The following ARL10 variants were observed in gnomAD, a reference collection of about 807,000 sequenced individuals.
ARL10 encodes ARF like GTPase 10.
A neutral mutation model predicts 26.1 loss-of-function variants in ARL10; 23 were observed. The observed-to-expected ratio is 0.88, with a 90% CI of 0.63 to 1.25. ARL10 has a LOEUF of 1.25. Among genes scored for constraint, ARL10 ranks in the 50% most tolerant of loss-of-function variants. The probability of loss-of-function intolerance (pLI) is 0.00; values close to 1 mark genes in which losing one functional copy is unlikely to be tolerated. For synonymous variants in ARL10, 138 were observed against 149.1 expected (o/e 0.93, Z 0.54); for missense variants, 300 against 323.6 (o/e 0.93, Z 0.56).
At chr5:176,412,555 G>A in the ARL10 span, among the ~76,000 whole-genome samples, 1 of 152,236 alleles carries the variant, frequency 6.6e-6, no homozygotes, top group Non-Finnish European at 1.5e-5. Context: ...GAGGCCACAT[G>A]AGGTTAATAG....
downstream of ARL10, chr5:176,385,445 C>T (rs1183540252): frequency 8.2e-5 from 54 of 660,006 alleles, no homozygotes; most frequent in Non-Finnish European, 1.4e-4. Flanking sequence ...CACCAACCAC[C>T]TGGGGGTCTT....
At chr5:176,369,475 C>T (rs892587055) in intron 3 of ARL10, among the ~76,000 whole-genome samples, 1 of 152,076 alleles carries the variant, frequency 6.6e-6, no homozygotes, top group Non-Finnish European at 1.5e-5. Flanking sequence ...TCAAGTGATC[C>T]GCCCGCCTCA....
the ARL10 span, among the ~76,000 whole-genome samples, chr5:176,407,955 C>T: frequency 6.6e-6 from 1 of 152,186 alleles, no homozygotes; most frequent in Non-Finnish European, 1.5e-5. Context: ...AAGAAGCCAG[C>T]TCCTCCAGGG....
At position 176,387,019 on chromosome 5, in the gene ARL10, T is replaced by C. The variant is rs1044551272; in HGVS notation, c.37-1276T>C. The stretch of plus-strand genomic sequence containing the variant: ...ACCCATAAGAATCCCTGCCCACGGT[T>C]AGGTAGAAGTAGGTAACAATGAGAA... On this transcript the variant is annotated intron_variant, in intron 1 of 1. Coordinates refer to the ARL10 transcript ENST00000503175. 1.4e-5 allele frequency: 12 copies of C among 833,784 alleles called. No homozygotes were observed. In the African/African-American group the frequency reaches 2.0e-4, roughly 14 times the overall value. The allele number at this position is 833,784 out of a possible 1,614,324, so 51.6% of individuals were successfully genotyped here.
chr5:176,401,380 A>G (rs950293421), intron 1 of ARL10, among the ~76,000 whole-genome samples: 1 of 152,232 alleles, frequency 6.6e-6, no homozygotes, highest in African/African-American at 2.4e-5. Flanking sequence ...CATCCATCTG[A>G]CCACCACCCA....
intron 1 of ARL10, among the ~76,000 whole-genome samples, chr5:176,387,224 C>A (rs1323766999): frequency 6.6e-6 from 1 of 152,104 alleles, no homozygotes. Context: ...GGATTACAAT[C>A]ATGCGCCACC....
At chr5:176,411,054 T>G in the ARL10 span, among the ~76,000 whole-genome samples, 1 of 152,236 alleles carries the variant, frequency 6.6e-6, no homozygotes, top group East Asian at 1.9e-4. Flanking sequence ...CTTTGCCCGC[T>G]AGGGGCAAAC....
rs115269286 is a variant in ARL10, at chr5:176,366,328, A to C, written c.184-52A>C. 8.0e-3 allele frequency: 12,409 copies of C among 1,548,194 alleles called. 890 individuals carry two copies. In the African/African-American group the frequency reaches 0.15, roughly 19 times the overall value. The stretch of plus-strand genomic sequence containing the variant: ...CTGGTGCCTTCGGTCTTCCCTCGGG[A>C]AAGGTCCTTCGGGAGGCCGCCAGCC... On this transcript the variant is annotated intron_variant, in intron 1 of 3. Transcript: ENST00000310389.
chr5:176,385,425 A>G (rs1206399379), downstream of ARL10: 5 of 745,572 alleles, frequency 6.7e-6, no homozygotes, highest in Non-Finnish European at 1.2e-5. Context: ...CCAAGCCACA[A>G]GACCCACCAC....
downstream of ARL10, chr5:176,389,539 A>C (rs1376483440): frequency 6.4e-7 from 1 of 1,571,424 alleles, no homozygotes; most frequent in Non-Finnish European, 8.6e-7. Flanking sequence ...AATGATTCCA[A>C]AACCCAGGGA....
rs374729689 is a variant in ARL10 at position 176,372,227 on chromosome 5, G to A, written c.*332G>A. 7.6e-5 allele frequency: 33 copies of A among 434,114 alleles called. No homozygotes were observed. Among genetic ancestry groups the A allele is most frequent in the East Asian group, 4.6e-4 (6 of 13,028 alleles). 26.9% of individuals were successfully genotyped at this position (434,114 alleles called of 1,614,324 possible). On this transcript the variant is annotated 3_prime_UTR_variant, in exon 4 of 4. Transcript: ENST00000310389. ...GGCTCAATCCTCCACTACAGGTCCC[G>A]GTACCTGAGGAACCAGTGTAGGTGT...
chr5:176,406,845 G>A (rs181230175), downstream of ARL10: 307 of 577,604 alleles, frequency 5.3e-4, 1 homozygote, highest in African/African-American at 5.7e-3. Flanking sequence ...AAAGAGCTGG[G>A]GCTTTCCACC....
downstream of ARL10, chr5:176,385,824 T>C (rs1454517355): frequency 1.3e-5 from 2 of 153,360 alleles, no homozygotes; most frequent in Non-Finnish European, 2.9e-5. Context: ...TAGTGCTCCA[T>C]GGGAGAGAAA....
In ARL10 at chr5:176,374,002, T is replaced by A. The variant is rs1036834411; in HGVS notation, c.*2107T>A. The A allele has an allele frequency of 2.0e-5, 3 of 152,114 alleles. No individual in the cohort carries two copies. Among genetic ancestry groups the A allele is most frequent in the Admixed American group, 2.0e-4 (3 of 15,268 alleles). The allele number at this position is 152,114 out of a possible 1,614,324, so 9.4% of individuals were successfully genotyped here. On this transcript the variant is annotated 3_prime_UTR_variant, in exon 4 of 4. Transcript: ENST00000310389. ...GCCCCACAATGTGTGTAGGCTACAT[T>A]TATAGCCAGAGAAACGAAAATAACT...
chr5:176,410,709 T>C, the ARL10 span, among the ~76,000 whole-genome samples: 1 of 151,728 alleles, frequency 6.6e-6, no homozygotes, highest in East Asian at 1.9e-4. Flanking sequence ...GCTGAGCTGC[T>C]GTAAGCTCAG....
chr5:176,401,083 C>A (rs1756796035), intron 1 of ARL10, among the ~76,000 whole-genome samples: 1 of 152,232 alleles, frequency 6.6e-6, no homozygotes, highest in South Asian at 2.1e-4. Flanking sequence ...CAGAGACTCT[C>A]TCCCAACATC....
chr5:176,387,064 T>C (rs896857299), intron 1 of ARL10: 8 of 552,636 alleles, frequency 1.4e-5, no homozygotes, highest in African/African-American at 5.7e-5. Context: ...TGGAGGCTTT[T>C]TCTCTCTCTC....
At position 176,395,160 on chromosome 5, in the gene ARL10, C is replaced by T. The variant is rs540291392; in HGVS notation, c.134-6581C>T. The stretch of plus-strand genomic sequence containing the variant: ...GCCACTGCAGCCAGCTGGGCCTTTT[C>T]TCTCTGGATGCCTTGGCCCCAGCTG... On this transcript the variant is annotated intron_variant, in intron 1 of 1. Coordinates refer to the ARL10 transcript ENST00000514533. 5.8e-4 allele frequency among the ~76,000 whole-genome samples: 87 copies of T among 151,130 alleles called. 1 individual carries two copies. The highest frequency in any genetic ancestry group is 5.0e-3 in the Admixed American group (76 of 15,168).
At chr5:176,370,026 A>C (rs1049316599) in intron 3 of ARL10, among the ~76,000 whole-genome samples, 2 of 151,868 alleles carry the variant, frequency 1.3e-5, no homozygotes, top group South Asian at 4.2e-4. Context: ...CCACTCTGCT[A>C]TGCCCTTGCA....
Sources: gnomAD v4.1 joint callset for allele counts (sites outside exome capture counted in the v4.1 genomes callset) on GRCh38, gnomAD v4.1.1 for gene constraint, MANE v1.5 for transcripts, NCBI Gene and HGNC (gene_info 2026-07-23, HGNC 2026-07-21) for gene names.